SCAND3: variants seen among roughly 807,000 people sequenced by gnomAD.
SCAND3 encodes SCAN domain containing 3.
the SCAND3 span, among the ~76,000 whole-genome samples, chr6:28,610,313 G>T: frequency 6.6e-6 from 1 of 152,150 alleles, no homozygotes; most frequent in Non-Finnish European, 1.5e-5. Flanking sequence ...CCTGAGGTCA[G>T]GAGTTCGAGA....
At chr6:28,593,363 A>C in the SCAND3 span, among the ~76,000 whole-genome samples, 1 of 149,874 alleles carries the variant, frequency 6.7e-6, no homozygotes, top group Non-Finnish European at 1.5e-5. Flanking sequence ...GTATCACTTC[A>C]CAACCATTAG....
At chr6:28,612,513 A>T in the SCAND3 span, among the ~76,000 whole-genome samples, 2 of 152,244 alleles carry the variant, frequency 1.3e-5, no homozygotes, top group Non-Finnish European at 2.9e-5. Context: ...ACAGCATAGT[A>T]AAAGACCATA....
At chr6:28,575,195 T>A in the SCAND3 span, 1 of 1,614,064 alleles carries the variant, frequency 6.2e-7, no homozygotes, top group East Asian at 2.2e-5. This position sits in a 1 kb window ranked among gnomAD's most constrained non-coding sequence, Gnocchi z 4.2. Context: ...TTTTGGGACA[T>A]CTGAATGAAC....
chr6:28,589,598 T>C, the SCAND3 span: 3 of 152,204 alleles, frequency 2.0e-5, no homozygotes, highest in African/African-American at 7.2e-5. Flanking sequence ...AGCATGAAAG[T>C]ACCAAGCTCT....
chr6:28,612,590 A>G, the SCAND3 span, among the ~76,000 whole-genome samples: 1 of 152,194 alleles, frequency 6.6e-6, no homozygotes, highest in Non-Finnish European at 1.5e-5. Flanking sequence ...AAATATAATA[A>G]TGTGTACTGC....
At chr6:28,575,979 C>G in the SCAND3 span, 18 of 1,613,510 alleles carry the variant, frequency 1.1e-5, no homozygotes. The surrounding 1 kb of genome is among the most constrained non-coding windows in gnomAD (Gnocchi z 4.2). Flanking sequence ...TAGAAAATAT[C>G]TTAGTATTAT....
At chr6:28,608,419 C>T in the SCAND3 span, among the ~76,000 whole-genome samples, 1 of 152,058 alleles carries the variant, frequency 6.6e-6, no homozygotes. Flanking sequence ...GGGTACCCTA[C>T]GGGTGGTGTT....
chr6:28,574,711 G>A, the SCAND3 span: 1 of 1,614,080 alleles, frequency 6.2e-7, no homozygotes, highest in Non-Finnish European at 8.5e-7. Flanking sequence ...AGGTTTAACA[G>A]GCAAACTTCT....
chr6:28,573,852 A>T, the SCAND3 span: 1 of 1,498,512 alleles, frequency 6.7e-7, no homozygotes, highest in Non-Finnish European at 8.8e-7. Flanking sequence ...AAAAGTAAAT[A>T]ATATGAATTT....
chr6:28,590,472 T>G, the SCAND3 span: 1 of 152,230 alleles, frequency 6.6e-6, no homozygotes, highest in African/African-American at 2.4e-5. Context: ...GAAAATTCCT[T>G]ATAGACACTA....
chr6:28,571,781 C>A, the SCAND3 span: 1 of 1,164,336 alleles, frequency 8.6e-7, no homozygotes, highest in Non-Finnish European at 1.1e-6. Flanking sequence ...ATTGCTGTTT[C>A]ACTCATAACT....
chr6:28,586,931 C>A, the SCAND3 span: 1 of 575,956 alleles, frequency 1.7e-6, no homozygotes, highest in South Asian at 2.4e-5. The surrounding 1 kb of genome is among the most constrained non-coding windows in gnomAD (Gnocchi z 4.4). Flanking sequence ...GTGAAGCCAT[C>A]CTCTGAAAAG....
chr6:28,583,126 C>T, the SCAND3 span, among the ~76,000 whole-genome samples: 1 of 151,910 alleles, frequency 6.6e-6, no homozygotes, highest in African/African-American at 2.4e-5. Context: ...GGCACGGTGG[C>T]TCACGCCTGT....
At chr6:28,613,884 A>T in the SCAND3 span, among the ~76,000 whole-genome samples, 1 of 151,906 alleles carries the variant, frequency 6.6e-6, no homozygotes, top group Non-Finnish European at 1.5e-5. Context: ...CTTCCCTCCC[A>T]CTTCCACTAA....
chr6:28,586,950 T>G, the SCAND3 span: 2 of 557,174 alleles, frequency 3.6e-6, no homozygotes, highest in Non-Finnish European at 6.3e-6. This position sits in a 1 kb window ranked among gnomAD's most constrained non-coding sequence, Gnocchi z 4.4. Flanking sequence ...AGACCAGAAA[T>G]AGTGAGCACA....
chr6:28,592,630 G>A, the SCAND3 span, among the ~76,000 whole-genome samples: 1 of 152,110 alleles, frequency 6.6e-6, no homozygotes, highest in African/African-American at 2.4e-5. This position sits in a 1 kb window ranked among gnomAD's most constrained non-coding sequence, Gnocchi z 4.1. Flanking sequence ...AAAATCTTGA[G>A]CAAAATGAAC....
the SCAND3 span, chr6:28,574,888 CA>C: frequency 1.9e-6 from 3 of 1,614,016 alleles, no homozygotes; most frequent in Non-Finnish European, 2.5e-6. Context: ...TTCTTTTTCA[CA>C]AACTACACAG....
the SCAND3 span, among the ~76,000 whole-genome samples, chr6:28,585,574 C>T: frequency 6.6e-6 from 1 of 152,196 alleles, no homozygotes; most frequent in African/African-American, 2.4e-5. Context: ...TTCTGGCATA[C>T]TGACCTCATT....
chr6:28,609,509 A>G, the SCAND3 span, among the ~76,000 whole-genome samples: 57 of 152,350 alleles, frequency 3.7e-4, 1 homozygote, highest in Non-Finnish European at 7.8e-4. Flanking sequence ...TTTTCTTCTC[A>G]GGAAATAACA....
Sources: allele counts gnomAD v4.1 joint callset (sites outside exome capture counted in the v4.1 genomes callset), GRCh38; gene constraint gnomAD v4.1.1; non-coding constraint Gnocchi (gnomAD v3.1); transcripts MANE v1.5; gene names NCBI Gene and HGNC (gene_info 2026-07-23, HGNC 2026-07-21).